Variants in DGCR8 observed in about 807,000 individuals in gnomAD.
The protein encoded by DGCR8 is DGCR8 microprocessor complex subunit.
Under a neutral mutation model 78.5 loss-of-function variants are expected in DGCR8, and 14 were observed. The ratio of observed to expected loss-of-function variants is 0.18; its 90% confidence interval spans 0.12 to 0.28. DGCR8 has a LOEUF of 0.28. DGCR8 is among the 10% of genes least tolerant of loss of function. The pLI is 1.00. For synonymous variants in DGCR8, 399 were observed against 402.4 expected, an observed-to-expected ratio of 0.99 and a Z score of 0.10; for missense variants, 702 against 1,022.5, an observed-to-expected ratio of 0.69 and a Z score of 4.28.
chr22:20,084,350 G>C (rs1468155745), intron 1 of DGCR8, among the ~76,000 whole-genome samples: 1 of 152,200 alleles, frequency 6.6e-6, no homozygotes, highest in Non-Finnish European at 1.5e-5. Flanking sequence ...GCGTGTTCCT[G>C]TGCACGTTGT....
intron 9 of DGCR8, among the ~76,000 whole-genome samples, chr22:20,104,421 C>T (rs185986925): frequency 8.5e-4 from 129 of 152,346 alleles, no homozygotes; most frequent in African/African-American, 3.0e-3. Context: ...CCCGCCTCGG[C>T]CTCCCAAAGT....
intron 9 of DGCR8, among the ~76,000 whole-genome samples, chr22:20,103,768 G>A (rs2049734988): frequency 6.6e-6 from 1 of 152,148 alleles, no homozygotes; most frequent in South Asian, 2.1e-4. Flanking sequence ...TTTTCCTAAT[G>A]GGAAAGTTTT....
chr22:20,091,499 A>G lies in DGCR8; in HGVS notation c.1371A>G (p.Lys457=). 6.2e-7 allele frequency: 1 copy of G among 1,614,246 alleles called. No individual in the cohort carries two copies. The highest frequency in any genetic ancestry group is 1.7e-5 in the Admixed American group (1 of 60,026). Residue 457 remains lysine (K), a synonymous_variant, in exon 6 of 14, where the codon AAA becomes AAG. Transcript: ENST00000351989. ...ACTTTGAGCAAGTTACTGTGAAAAA[A>G]TTCAGGACTTGGGCTGAGCGGCGGC... is the stretch of plus-strand genomic sequence containing the variant. The part of the protein sequence containing the change: ...RFDFEQVTVK[K]FRTWAERRQF...
intron 8 of DGCR8, among the ~76,000 whole-genome samples, chr22:20,093,345 C>T (rs2049589037): frequency 6.6e-6 from 1 of 151,802 alleles, no homozygotes; most frequent in African/African-American, 2.4e-5. Context: ...GCAGAGCTTG[C>T]AGTGAGCTGA....
intron 1 of DGCR8, chr22:20,080,793 G>C (rs151273426): frequency 6.6e-6 from 1 of 152,308 alleles, no homozygotes; most frequent in African/African-American, 2.4e-5. Flanking sequence ...CACGGGTTGA[G>C]TGTCACGTAG....
At chr22:20,083,500 C>G (rs1029007579) in intron 1 of DGCR8, among the ~76,000 whole-genome samples, 1 of 152,028 alleles carries the variant, frequency 6.6e-6, no homozygotes, top group Non-Finnish European at 1.5e-5. Context: ...TGTAAGGCAC[C>G]AGGCTTTCCT....
chr22:20,098,218 T>G (rs2049654132), intron 9 of DGCR8, among the ~76,000 whole-genome samples: 1 of 151,974 alleles, frequency 6.6e-6, no homozygotes, highest in Admixed American at 6.6e-5. Flanking sequence ...CTCGAACTCC[T>G]AGGCTCAAGC....
At chr22:20,099,470 A>G (rs945600058) in intron 9 of DGCR8, among the ~76,000 whole-genome samples, 1 of 152,196 alleles carries the variant, frequency 6.6e-6, no homozygotes, top group African/African-American at 2.4e-5. Context: ...CAACAGTGAC[A>G]GTTCTCTGGG....
At chr22:20,098,992 C>G (rs180691695) in intron 9 of DGCR8, among the ~76,000 whole-genome samples, 1 of 152,274 alleles carries the variant, frequency 6.6e-6, no homozygotes, top group East Asian at 1.9e-4. Context: ...TTTGTGGCCA[C>G]TGAATACACG....
At chr22:20,101,358 C>T (rs578208300) in intron 9 of DGCR8, 15 of 878,704 alleles carry the variant, frequency 1.7e-5, no homozygotes, top group South Asian at 1.1e-4. Flanking sequence ...GGGCAGATTA[C>T]GAGGTAAGGA....
intron 7 of DGCR8, 29 bp from the exon 8 acceptor site, chr22:20,092,780 G>A: frequency 6.3e-7 from 1 of 1,592,586 alleles, no homozygotes; most frequent in South Asian, 1.1e-5. Flanking sequence ...TGACTCGTAT[G>A]TTTTAAAACA....
chr22:20,089,895 A>T lies in DGCR8; in HGVS notation c.1024-81A>T. On this transcript the variant is annotated intron_variant, in intron 4 of 13. Transcript: ENST00000351989. This position sits in a 1 kb window ranked among gnomAD's most constrained non-coding sequence, Gnocchi z 4.9. ...ATCCACACACATGGCACCGCAGCCA[A>T]GCAGAGGCCGGTGAAAGGCATCAGA... is the stretch of plus-strand genomic sequence containing the variant. 1 of 1,590,440 alleles carries T rather than the reference A, an allele frequency of 6.3e-7. No homozygotes were observed. The highest frequency in any genetic ancestry group is 8.6e-7 in the Non-Finnish European group (1 of 1,166,076).
At chr22:20,082,876 C>T (rs1347714284) in intron 1 of DGCR8, among the ~76,000 whole-genome samples, 1 of 151,556 alleles carries the variant, frequency 6.6e-6, no homozygotes, top group Non-Finnish European at 1.5e-5. Context: ...GTTTGGTTGC[C>T]ACTGCTATCC....
rs898965011 is a variant in DGCR8, at chr22:20,080,349, C to T, written c.-312C>T. On this transcript the variant is annotated 5_prime_UTR_variant, in exon 1 of 14. Transcript: ENST00000351989. ...TGAGGCTTTCCCGGCTGTGGTTTGG[C>T]TGCGGGCGGCTTGGGCAGCCCGCGG... 5.1e-6 allele frequency: 5 copies of T among 980,692 alleles called. No individual in the cohort carries two copies. Among genetic ancestry groups the T allele is most frequent in the African/African-American group, 1.8e-5 (1 of 56,764 alleles). 60.7% of individuals were successfully genotyped at this position (980,692 alleles called of 1,614,324 possible). A position where few individuals can be genotyped will look rare whatever the true frequency, so the allele number is the denominator to read the frequency against.
At chr22:20,082,826 G>A (rs576936708) in intron 1 of DGCR8, among the ~76,000 whole-genome samples, 1 of 152,354 alleles carries the variant, frequency 6.6e-6, no homozygotes, top group East Asian at 1.9e-4. Flanking sequence ...ACCTGGGTGA[G>A]TTAAAATGCT....
In DGCR8 at chr22:20,111,709, C is replaced by G. The variant is rs888946059; in HGVS notation, c.*1601C>G. 25 of 21,996 alleles carry G rather than the reference C, an allele frequency of 1.1e-3. 1 individual carries two copies. Among genetic ancestry groups the G allele is most frequent in the Middle Eastern group, 7.0e-3 (1 of 142 alleles). The allele number at this position is 21,996 out of a possible 1,614,324, so 1.4% of individuals were successfully genotyped here. A position where few individuals can be genotyped will look rare whatever the true frequency, so the allele number is the denominator to read the frequency against. ...CATACTCTTGTGGTCTCTGTGCGCCCCCCCCCCCCCCCCACCCGTCTGCCA... is the reference window on the plus strand; with the variant it reads ...CATACTCTTGTGGTCTCTGTGCGCCGCCCCCCCCCCCCCACCCGTCTGCCA... On this transcript the variant is annotated 3_prime_UTR_variant, in exon 14 of 14. Coordinates refer to ENST00000351989, the MANE Select transcript of DGCR8 (RefSeq NM_022720.7).
intron 1 of DGCR8, 68 bp downstream of exon 1, chr22:20,080,451 C>G: frequency 1.0e-6 from 1 of 981,766 alleles, no homozygotes; most frequent in Non-Finnish European, 1.2e-6. Context: ...CGAGGGCGCG[C>G]CCTTCCCTCC....
rs1235665748 is a variant in DGCR8 at position 20,111,291 on chromosome 22, C to G, written c.*1183C>G. 2.5e-6 allele frequency: 1 copy of G among 398,478 alleles called. No individual in the cohort carries two copies. Among genetic ancestry groups the G allele is most frequent in the African/African-American group, 2.1e-5 (1 of 48,532 alleles). The allele number at this position is 398,478 out of a possible 1,614,324, so 24.7% of individuals were successfully genotyped here. A position where few individuals can be genotyped will look rare whatever the true frequency, so the allele number is the denominator to read the frequency against. On this transcript the variant is annotated 3_prime_UTR_variant, in exon 14 of 14. Transcript: ENST00000351989. ...AGAGTGCCGTGTGCTTGTGGTGCGC[C>G]ATCTGAAGCAAGAGTCCAGCGTTCT...
In DGCR8 at chr22:20,086,622, C is replaced by A; in HGVS notation, c.659C>A (p.Thr220Lys). 6.2e-7 allele frequency: 1 copy of A among 1,612,526 alleles called. No individual in the cohort carries two copies. Among genetic ancestry groups the A allele is most frequent in the Non-Finnish European group, 8.5e-7 (1 of 1,179,914 alleles). Reference sequence around the variant, plus strand: ...GATGAAGAAGGAGCAGGCGGGTTCACGGCTAAAGCAATCGTTCAGAGAGAC... The same window carrying A: ...GATGAAGAAGGAGCAGGCGGGTTCAAGGCTAAAGCAATCGTTCAGAGAGAC... ...ELDEEGAGGF[T>K]AKAIVQRDRV... The change falls in exon 2 of 14, where the codon ACG becomes AAG. Residue 220 changes from threonine (T) to lysine (K), a missense_variant. Around this residue, in one of 4 missense-constraint regions of DGCR8, gnomAD observed 356 missense variants for 448.9 expected, o/e 0.79. Coordinates refer to ENST00000351989, the MANE Select transcript of DGCR8 (RefSeq NM_022720.7). This position sits in a 1 kb window ranked among gnomAD's most constrained non-coding sequence, Gnocchi z 6.4.
Sources: gnomAD v4.1 joint callset for allele counts (sites outside exome capture counted in the v4.1 genomes callset) on GRCh38, gnomAD v4.1.1 for gene constraint, gnomAD v4.1.1 regional missense constraint, Gnocchi (gnomAD v3.1) non-coding constraint, MANE v1.5 for transcripts, NCBI Gene and HGNC (gene_info 2026-07-23, HGNC 2026-07-21) for gene names.